Variants in SYN3 observed in about 807,000 individuals in gnomAD.
SYN3 encodes synapsin-3.
Under a neutral mutation model 65.8 loss-of-function variants are expected in SYN3, and 35 were observed. The ratio of observed to expected loss-of-function variants is 0.53; its 90% CI spans 0.41 to 0.70. The LOEUF is 0.70. Ranked by LOEUF, SYN3 falls within the 30% of genes least tolerant of loss-of-function variation. The pLI is 0.00. For synonymous variants in SYN3, 270 were observed against 292.9 expected (o/e 0.92, Z 0.80); for missense variants, 680 against 749.0 (o/e 0.91, Z 1.08).
chr22:32,756,838 T>C (rs927529751), intron 6 of SYN3, among the ~76,000 whole-genome samples: 10 of 152,192 alleles, frequency 6.6e-5, no homozygotes, highest in Middle Eastern at 3.2e-3. Flanking sequence ...CAATCTCTTT[T>C]CTTGGTAAAT....
At chr22:32,831,123 G>A (rs2047562269) in intron 6 of SYN3, among the ~76,000 whole-genome samples, 1 of 152,194 alleles carries the variant, frequency 6.6e-6, no homozygotes, top group Non-Finnish European at 1.5e-5. Flanking sequence ...TTGAAGTTGA[G>A]ATCAAGGTGG....
intron 6 of SYN3, among the ~76,000 whole-genome samples, chr22:32,597,934 C>T (rs1458539038): frequency 6.6e-6 from 1 of 152,220 alleles, no homozygotes; most frequent in Non-Finnish European, 1.5e-5. Flanking sequence ...GCTAGGAAGC[C>T]AGGACTCAGG....
intron 6 of SYN3, among the ~76,000 whole-genome samples, chr22:32,684,356 T>A (rs931807114): frequency 5.9e-5 from 9 of 152,178 alleles, no homozygotes; most frequent in African/African-American, 2.2e-4. Context: ...GATGACATCA[T>A]TTCAGGTCCT....
chr22:32,786,820 G>A (rs1264871889), intron 6 of SYN3, among the ~76,000 whole-genome samples: 1 of 152,078 alleles, frequency 6.6e-6, no homozygotes, highest in Non-Finnish European at 1.5e-5. Flanking sequence ...AAAAGCTCAT[G>A]GTGGGAAGAA....
intron 6 of SYN3, among the ~76,000 whole-genome samples, chr22:32,720,180 T>C (rs1243137328): frequency 1.3e-5 from 2 of 152,200 alleles, no homozygotes; most frequent in Non-Finnish European, 2.9e-5. Flanking sequence ...GCACAGAGCA[T>C]GGGATATTGT....
At chr22:32,696,599 A>C (rs911018259) in intron 6 of SYN3, among the ~76,000 whole-genome samples, 4 of 152,170 alleles carry the variant, frequency 2.6e-5, no homozygotes, top group African/African-American at 4.8e-5. Context: ...GGGGACCATG[A>C]CTTAACTTGT....
chr22:33,056,089 T>C (rs1005804401), intron 1 of SYN3, among the ~76,000 whole-genome samples: 1 of 152,108 alleles, frequency 6.6e-6, no homozygotes, highest in African/African-American at 2.4e-5. Context: ...AAAATGAGAA[T>C]AAAAGTACCT....
At chr22:32,967,604 G>A (rs1480353349) in intron 3 of SYN3, among the ~76,000 whole-genome samples, 1 of 152,184 alleles carries the variant, frequency 6.6e-6, no homozygotes, top group Non-Finnish European at 1.5e-5. Flanking sequence ...ACAGATTTTT[G>A]CAGTGAAGTC....
chr22:33,015,263 C>T, intron 1 of SYN3: 1 of 415,162 alleles, frequency 2.4e-6, no homozygotes, highest in Non-Finnish European at 4.1e-6. Flanking sequence ...TTGGACGAGA[C>T]TATCCAAAAG....
intron 1 of SYN3, among the ~76,000 whole-genome samples, chr22:33,035,452 G>A (rs1409120043): frequency 2.0e-5 from 3 of 150,362 alleles, no homozygotes; most frequent in Admixed American, 6.8e-5. Flanking sequence ...CCAGGTCCCC[G>A]TGGAAAGGTG....
chr22:33,056,679 A>C (rs1480568435), intron 1 of SYN3, among the ~76,000 whole-genome samples: 2 of 152,370 alleles, frequency 1.3e-5, no homozygotes, highest in East Asian at 3.9e-4. Context: ...TTTTCCAGGG[A>C]ACCCAAACCA....
At chr22:32,598,299 C>T (rs917122113) in intron 6 of SYN3, among the ~76,000 whole-genome samples, 1 of 152,154 alleles carries the variant, frequency 6.6e-6, no homozygotes, top group African/African-American at 2.4e-5. Context: ...TCATTTTACC[C>T]CCACACTGGC....
chr22:32,615,033 G>A (rs1021891985), intron 6 of SYN3, among the ~76,000 whole-genome samples: 6 of 151,984 alleles, frequency 3.9e-5, no homozygotes, highest in Non-Finnish European at 7.4e-5. Context: ...TACCCCCACC[G>A]TGGTTGGGAG....
At chr22:32,911,438 G>T (rs1269222102) in intron 4 of SYN3, among the ~76,000 whole-genome samples, 7 of 152,120 alleles carry the variant, frequency 4.6e-5, no homozygotes, top group Non-Finnish European at 8.8e-5. Flanking sequence ...CAGCCATCTT[G>T]ACTCTTCTCC....
chr22:32,860,562 A>G (rs2048507164), intron 6 of SYN3: 2 of 152,588 alleles, frequency 1.3e-5, no homozygotes, highest in Non-Finnish European at 2.9e-5. Flanking sequence ...AAAATTTGAA[A>G]TTCTGAACAC....
intron 1 of SYN3, among the ~76,000 whole-genome samples, chr22:33,050,139 A>G (rs1319832888): frequency 1.3e-5 from 2 of 152,170 alleles, no homozygotes; most frequent in Non-Finnish European, 2.9e-5. Flanking sequence ...ATCAAGTGAC[A>G]TGAAACAAAT....
intron 1 of SYN3, among the ~76,000 whole-genome samples, chr22:33,037,430 C>T (rs776683630): frequency 6.6e-6 from 1 of 152,214 alleles, no homozygotes; most frequent in Non-Finnish European, 1.5e-5. Context: ...CTTTCAAGAG[C>T]AAGAACCAGA....
At chr22:32,696,737 T>C (rs2060741801) in intron 6 of SYN3, among the ~76,000 whole-genome samples, 1 of 152,152 alleles carries the variant, frequency 6.6e-6, no homozygotes, top group Non-Finnish European at 1.5e-5. Flanking sequence ...CCTTCCTTAT[T>C]CTCAACTTAC....
At chr22:32,631,899 C>A (rs2059752123) in intron 6 of SYN3, among the ~76,000 whole-genome samples, 1 of 152,184 alleles carries the variant, frequency 6.6e-6, no homozygotes, top group Non-Finnish European at 1.5e-5. Flanking sequence ...CAAGCCAGAG[C>A]CCTTTTATGT....
Sources: gnomAD v4.1 joint callset for allele counts (sites outside exome capture counted in the v4.1 genomes callset) on GRCh38, gnomAD v4.1.1 for gene constraint, MANE v1.5 for transcripts, NCBI Gene and HGNC (gene_info 2026-07-23, HGNC 2026-07-21) for gene names.